NPAS3: variants seen among roughly 807,000 people sequenced by gnomAD.
NPAS3 encodes the protein neuronal PAS domain-containing protein 3.
In NPAS3, 14 loss-of-function variants were observed where a neutral mutation model predicts 73.1. That is an observed-to-expected ratio of 0.19 (90% CI 0.13 to 0.30). The LOEUF (loss-of-function observed/expected upper bound fraction) is 0.30, where lower values mean the gene tolerates loss of function less well. Ranked by LOEUF, NPAS3 falls within the 10% of genes least tolerant of loss-of-function variation. The pLI is 1.00. For missense variants in NPAS3, 1,096 were observed against 1,250.0 expected, an observed-to-expected ratio of 0.88 and a Z score of 1.86; for synonymous variants, 620 against 541.5, an observed-to-expected ratio of 1.14 and a Z score of -2.01.
intron 7 of NPAS3, among the ~76,000 whole-genome samples, chr14:33,738,050 C>G (rs1007729003): frequency 6.6e-6 from 1 of 152,122 alleles, no homozygotes; most frequent in Non-Finnish European, 1.5e-5. Context: ...AACAAAAGTA[C>G]CACTTACTGA....
At chr14:33,285,406 A>T (rs902693162) in intron 3 of NPAS3, among the ~76,000 whole-genome samples, 19 of 152,216 alleles carry the variant, frequency 1.2e-4, no homozygotes, top group Admixed American at 6.5e-4. Flanking sequence ...CATACTCCGT[A>T]GTTATTGAGT....
At chr14:33,367,685 G>A (rs763896745) in intron 4 of NPAS3, among the ~76,000 whole-genome samples, 6 of 151,098 alleles carry the variant, frequency 4.0e-5, no homozygotes, top group Non-Finnish European at 8.8e-5. Flanking sequence ...CCAAATTTCA[G>A]TTCTTTGCTT....
At chr14:33,535,879 T>TGG (rs2054238404) in intron 4 of NPAS3, among the ~76,000 whole-genome samples, 2 of 152,180 alleles carry the variant, frequency 1.3e-5, no homozygotes, top group Admixed American at 6.6e-5. Flanking sequence ...TCAGCATTGA[T>TGG]GGATTTAAAC....
intron 3 of NPAS3, among the ~76,000 whole-genome samples, chr14:33,246,476 C>G (rs2048382084): frequency 6.9e-6 from 1 of 143,966 alleles, no homozygotes; most frequent in South Asian, 2.2e-4. Flanking sequence ...GGGGACGGAG[C>G]CTGCAGTGAG....
intron 4 of NPAS3, among the ~76,000 whole-genome samples, chr14:33,526,551 C>T (rs1343092836): frequency 6.6e-6 from 1 of 151,572 alleles, no homozygotes; most frequent in Non-Finnish European, 1.5e-5. Flanking sequence ...AATTAAACAG[C>T]TTGTTAGTCA....
At chr14:33,784,718 TATTTTTATTTA>T in intron 9 of NPAS3, among the ~76,000 whole-genome samples, 1 of 136,432 alleles carries the variant, frequency 7.3e-6, no homozygotes, top group Non-Finnish European at 1.6e-5. Flanking sequence ...TTTTTATTGT[TATTTTTATTTA>T]TTTATTTATT....
intron 4 of NPAS3, among the ~76,000 whole-genome samples, chr14:33,504,978 C>T (rs2052689352): frequency 6.6e-6 from 1 of 151,876 alleles, no homozygotes; most frequent in Non-Finnish European, 1.5e-5. Context: ...ATGGAAAGAC[C>T]GGCCAATAAT....
intron 2 of NPAS3, among the ~76,000 whole-genome samples, chr14:33,136,502 A>G (rs531813293): frequency 6.6e-6 from 1 of 152,350 alleles, no homozygotes; most frequent in African/African-American, 2.4e-5. Flanking sequence ...GACTGCAGTA[A>G]TAATGACAGT....
At chr14:33,596,402 C>T (rs1051677006) in intron 5 of NPAS3, among the ~76,000 whole-genome samples, 1 of 152,172 alleles carries the variant, frequency 6.6e-6, no homozygotes, top group Non-Finnish European at 1.5e-5. Context: ...TGCTTTATTG[C>T]TTCTTCTTTT....
At chr14:33,050,426 T>A (rs2040663882) in intron 1 of NPAS3, among the ~76,000 whole-genome samples, 1 of 152,158 alleles carries the variant, frequency 6.6e-6, no homozygotes, top group South Asian at 2.1e-4. Flanking sequence ...GAGGATCTAG[T>A]TCCTTCAATG....
chr14:33,518,591 GA>G (rs1420596399), intron 4 of NPAS3, among the ~76,000 whole-genome samples: 1 of 117,286 alleles, frequency 8.5e-6, no homozygotes, highest in East Asian at 3.0e-4. Context: ...AGACATCAAG[GA>G]TTTTTTTTTT....
At chr14:33,350,460 G>A (rs2044980731) in intron 3 of NPAS3, among the ~76,000 whole-genome samples, 3 of 152,074 alleles carry the variant, frequency 2.0e-5, no homozygotes, top group Admixed American at 2.0e-4. Context: ...CATACAGACT[G>A]CCCCCCTACC....
chr14:33,741,210 C>T (rs191565439), intron 7 of NPAS3, among the ~76,000 whole-genome samples: 118 of 152,302 alleles, frequency 7.7e-4, no homozygotes, highest in African/African-American at 2.5e-3. Context: ...CATACCAATG[C>T]TTCTCCTAAA....
At chr14:33,580,317 C>G (rs1410181923) in intron 5 of NPAS3, among the ~76,000 whole-genome samples, 1 of 152,126 alleles carries the variant, frequency 6.6e-6, no homozygotes, top group East Asian at 1.9e-4. Context: ...TGACGTAAAG[C>G]TGATATCTCT....
intron 4 of NPAS3, among the ~76,000 whole-genome samples, chr14:33,396,165 T>G (rs2047214385): frequency 6.6e-6 from 1 of 152,188 alleles, no homozygotes; most frequent in Non-Finnish European, 1.5e-5. Context: ...TTAACCCAGA[T>G]TAGCAGACTC....
intron 2 of NPAS3, among the ~76,000 whole-genome samples, chr14:33,188,723 C>T (rs895477204): frequency 2.0e-5 from 3 of 152,106 alleles, no homozygotes; most frequent in African/African-American, 7.2e-5. Flanking sequence ...TTTTTTAATA[C>T]CGTAAAACTT....
chr14:33,408,951 C>T (rs1197079267), intron 4 of NPAS3, among the ~76,000 whole-genome samples: 1 of 152,138 alleles, frequency 6.6e-6, no homozygotes, highest in African/African-American at 2.4e-5. Context: ...TGATACAGAG[C>T]TTTATTTTTG....
intron 4 of NPAS3, among the ~76,000 whole-genome samples, chr14:33,557,219 G>A (rs1336046164): frequency 3.9e-5 from 6 of 152,152 alleles, no homozygotes; most frequent in African/African-American, 1.4e-4. Context: ...AGAAAAGACT[G>A]CAGAGGGTTT....
intron 4 of NPAS3, among the ~76,000 whole-genome samples, chr14:33,536,022 G>A (rs958198028): frequency 6.6e-6 from 1 of 152,104 alleles, no homozygotes; most frequent in Non-Finnish European, 1.5e-5. Context: ...GAGGCCTCTG[G>A]CTCCTGACTT....
Sources: gnomAD v4.1 joint callset for allele counts (sites outside exome capture counted in the v4.1 genomes callset) on GRCh38, gnomAD v4.1.1 for gene constraint, MANE v1.5 for transcripts, NCBI Gene and HGNC (gene_info 2026-07-23, HGNC 2026-07-21) for gene names.